The following MCC variants were observed in gnomAD, a reference collection of about 807,000 sequenced individuals.
The protein encoded by MCC is MCC regulator of Wnt signaling pathway.
A neutral mutation model predicts 116.2 loss-of-function variants in MCC; 90 were observed. The observed-to-expected ratio is 0.77, with a 90% CI of 0.65 to 0.92. The LOEUF (loss-of-function observed/expected upper bound fraction) is 0.92, where lower values mean the gene tolerates loss of function less well. Ranked by LOEUF, MCC falls within the 40% of genes least tolerant of loss-of-function variation. The probability of loss-of-function intolerance (pLI) is 0.00; values close to 1 mark genes in which losing one functional copy is unlikely to be tolerated. For synonymous variants in MCC, 578 were observed against 510.5 expected, an observed-to-expected ratio of 1.13 and a Z score of -1.78; for missense variants, 1,516 against 1,312.2, an observed-to-expected ratio of 1.16 and a Z score of -2.40.
chr5:113,092,268 G>T (rs951026622), intron 8 of MCC, among the ~76,000 whole-genome samples: 1 of 152,162 alleles, frequency 6.6e-6, no homozygotes, highest in Non-Finnish European at 1.5e-5. Flanking sequence ...AGGAGTGCCA[G>T]AGTTAGAGCT....
At chr5:113,372,636 G>A (rs1290294706) in intron 2 of MCC, among the ~76,000 whole-genome samples, 1 of 152,154 alleles carries the variant, frequency 6.6e-6, no homozygotes, top group Non-Finnish European at 1.5e-5. Context: ...AGAATTTCAA[G>A]TTTACACTAA....
At chr5:113,467,564 C>T (rs9686772) in intron 1 of MCC, among the ~76,000 whole-genome samples, 60,770 of 151,886 alleles carry the variant, frequency 0.4, 13,635 homozygotes, top group East Asian at 0.69. Flanking sequence ...GGTACCAGTA[C>T]CACGCTGTTT....
chr5:113,260,272 A>T (rs1249154459), intron 3 of MCC, among the ~76,000 whole-genome samples: 1 of 152,190 alleles, frequency 6.6e-6, no homozygotes, highest in Middle Eastern at 3.2e-3. Flanking sequence ...ATAATCTTTA[A>T]AACCACATAT....
chr5:113,046,225 C>T (rs1325107707), intron 16 of MCC, among the ~76,000 whole-genome samples: 1 of 151,590 alleles, frequency 6.6e-6, no homozygotes, highest in Non-Finnish European at 1.5e-5. Flanking sequence ...CAGAGTCTGA[C>T]TCTGTCGCCC....
intron 2 of MCC, among the ~76,000 whole-genome samples, chr5:113,370,986 G>A (rs1284350454): frequency 6.6e-6 from 1 of 152,190 alleles, no homozygotes; most frequent in Non-Finnish European, 1.5e-5. Context: ...GGGAGGCAGA[G>A]GCAGGTGGAT....
intron 1 of MCC, among the ~76,000 whole-genome samples, chr5:113,467,432 TAAATA>T (rs1158647782): frequency 6.6e-6 from 1 of 152,240 alleles, no homozygotes; most frequent in African/African-American, 2.4e-5. Context: ...CACCATTTAT[TAAATA>T]GGGAATCCTT....
chr5:113,367,784 G>A (rs1183273730), intron 2 of MCC, among the ~76,000 whole-genome samples: 2 of 152,098 alleles, frequency 1.3e-5, no homozygotes, highest in Non-Finnish European at 1.5e-5. Context: ...AGGGCATATA[G>A]GTCAGCATTA....
intron 1 of MCC, among the ~76,000 whole-genome samples, chr5:113,423,966 G>A (rs1022793784): frequency 4.3e-4 from 66 of 152,170 alleles, no homozygotes; most frequent in African/African-American, 1.5e-3. Flanking sequence ...CTGGCTACTA[G>A]CTTTATACCA....
At chr5:113,052,468 G>A (rs1429285194) in intron 15 of MCC, among the ~76,000 whole-genome samples, 2 of 151,706 alleles carry the variant, frequency 1.3e-5, no homozygotes, top group East Asian at 1.9e-4. Context: ...AATCATGGGG[G>A]TGGGGGTGGG....
chr5:113,406,227 ATCT>A (rs1157387915), intron 1 of MCC, among the ~76,000 whole-genome samples: 2 of 152,210 alleles, frequency 1.3e-5, no homozygotes, highest in East Asian at 1.9e-4. Context: ...TTACAAACAA[ATCT>A]TCTTCTCTGT....
At chr5:113,310,989 C>G (rs1201652119) in intron 3 of MCC, among the ~76,000 whole-genome samples, 2 of 152,168 alleles carry the variant, frequency 1.3e-5, no homozygotes, top group Admixed American at 1.3e-4. Flanking sequence ...ACCAGCTGGG[C>G]ACAGTGGCTC....
intron 16 of MCC, 128 bp downstream of exon 16, chr5:113,048,965 A>G (rs749141977): frequency 1.3e-5 from 11 of 825,756 alleles, no homozygotes; most frequent in Non-Finnish European, 2.2e-5. Context: ...ATACCTACGA[A>G]TGGCCTGCAT....
rs201704236 is a variant in MCC at position 113,027,360 on chromosome 5, C to T, written c.3002G>A (p.Arg1001Lys). Residue 1001 changes from arginine to lysine, a missense_variant, in exon 19 of 19, where the codon AGA becomes AAA. Transcript: ENST00000408903. ...HETQVRMLKQRIALLEEENSR... is the reference protein window; with the variant it reads ...HETQVRMLKQKIALLEEENSR... ...GTTCTCCTCCTCTAGCAGAGCTATT[C>T]TTTGCTTGAGCATCCTCACTTGGGT... 5.7e-5 allele frequency: 92 copies of T among 1,614,178 alleles called. No individual in the cohort carries two copies. The highest frequency in any genetic ancestry group is 7.3e-5 in the Non-Finnish European group (86 of 1,180,018).
chr5:113,107,713 T>G (rs1387332058), intron 6 of MCC, among the ~76,000 whole-genome samples: 1 of 152,160 alleles, frequency 6.6e-6, no homozygotes, highest in Non-Finnish European at 1.5e-5. Flanking sequence ...GAGTGAGATA[T>G]TCATGAAATA....
At chr5:113,344,099 A>G (rs1206266060) in intron 2 of MCC, among the ~76,000 whole-genome samples, 2 of 152,196 alleles carry the variant, frequency 1.3e-5, no homozygotes, top group African/African-American at 2.4e-5. Flanking sequence ...GTTATGTACC[A>G]TGGAGAATCT....
Position 113,169,462 on chromosome 5 carries a change from G to T in MCC, c.628-18040C>A, listed in dbSNP as rs74855487. On this transcript the variant is annotated intron_variant, in intron 3 of 18. Coordinates refer to ENST00000408903, the MANE Select transcript of MCC (RefSeq NM_001085377.2). ...CCTATAACCAGCATGGACCAGCAAG[G>T]CCAAGCACACCAAGGAATGCTGATG... 5.2e-3 allele frequency among the ~76,000 whole-genome samples: 797 copies of T among 152,142 alleles called. 10 individuals carry two copies. The highest frequency in any genetic ancestry group is 0.018 in the African/African-American group (744 of 41,486).
intron 1 of MCC, among the ~76,000 whole-genome samples, chr5:113,450,462 C>T (rs531526590): frequency 2.6e-5 from 4 of 152,110 alleles, no homozygotes; most frequent in East Asian, 1.9e-4. Flanking sequence ...TGATGCCCCC[C>T]CAAGCCTGGC....
rs551560806 is a variant in MCC, at chr5:113,254,849, C to T, written c.627+85670G>A. On this transcript the variant is annotated intron_variant, in intron 3 of 18. Coordinates refer to ENST00000408903, the MANE Select transcript of MCC (RefSeq NM_001085377.2). ...AGTTCCCTGAGTAAACCTCCATTTC[C>T]AACCCTTCTCCCTTGCCTGCCTCTA... Among the ~76,000 whole-genome samples the T allele has an allele frequency of 5.3e-5, 8 of 152,256 alleles. No homozygotes were observed. In the South Asian group the frequency reaches 1.5e-3, roughly 28 times the overall value.
intron 7 of MCC, 114 bp downstream of exon 7, chr5:113,104,077 TC>T: frequency 9.1e-7 from 1 of 1,102,954 alleles, no homozygotes; most frequent in Non-Finnish European, 1.3e-6. Context: ...TGTATGGCTC[TC>T]ATGGAAACAT....
Sources: gnomAD v4.1 joint callset for allele counts (sites outside exome capture counted in the v4.1 genomes callset) on GRCh38, gnomAD v4.1.1 for gene constraint, MANE v1.5 for transcripts, NCBI Gene and HGNC (gene_info 2026-07-23, HGNC 2026-07-21) for gene names.